Variants in HIVEP3 observed in about 807,000 individuals in gnomAD.
HIVEP3 encodes transcription factor HIVEP3.
Under a neutral mutation model 152.8 loss-of-function variants are expected in HIVEP3, and 49 were observed. That is an observed-to-expected ratio of 0.32 (90% confidence interval 0.26 to 0.41). The LOEUF is 0.41. Ranked by LOEUF, HIVEP3 falls within the 10% of genes least tolerant of loss-of-function variation. The pLI, the probability that HIVEP3 is intolerant of heterozygous loss-of-function variation, is 1.00. For missense variants in HIVEP3, 2,790 were observed against 3,103.3 expected, an observed-to-expected ratio of 0.90 and a Z score of 2.40; for synonymous variants, 1,269 against 1,289.0, an observed-to-expected ratio of 0.98 and a Z score of 0.33.
chr1:41,707,238 T>C (rs918499761), intron 1 of HIVEP3, among the ~76,000 whole-genome samples: 1 of 152,186 alleles, frequency 6.6e-6, no homozygotes, highest in East Asian at 1.9e-4. Context: ...ACCTGCTGCA[T>C]CCCTGGTCTT....
intron 5 of HIVEP3, among the ~76,000 whole-genome samples, chr1:41,571,838 G>A (rs1373331373): frequency 6.6e-6 from 1 of 152,200 alleles, no homozygotes; most frequent in Non-Finnish European, 1.5e-5. Flanking sequence ...TCCTGTAGGT[G>A]AGGCAGCCAC....
upstream of HIVEP3, among the ~76,000 whole-genome samples, chr1:41,919,531 CT>C (rs1374751127): frequency 6.6e-6 from 1 of 152,236 alleles, no homozygotes; most frequent in Non-Finnish European, 1.5e-5. Context: ...GACATACTTT[CT>C]TTCAACCAGA....
chr1:41,513,246 G>A lies in HIVEP3; in HGVS notation c.5975C>T (p.Ser1992Leu). 6.2e-7 allele frequency: 1 copy of A among 1,613,682 alleles called. No homozygotes were observed. The highest frequency in any genetic ancestry group is 8.5e-7 in the Non-Finnish European group (1 of 1,180,010). Residue 1992 changes from serine to leucine, a missense_variant, in exon 8 of 9, where the codon TCA becomes TTA. Coordinates refer to ENST00000372583, the MANE Select transcript of HIVEP3 (RefSeq NM_024503.5). Reference protein sequence around the residue: ...ARKHSLTKNDSSPQRCSPARE... With the variant: ...ARKHSLTKNDLSPQRCSPARE... ...GGCCGGGGAGCATCGCTGGGGAGAT[G>A]AGTCGTTTTTGGTTAGCGAGTGTTT...
chr1:41,583,100 A>G lies in HIVEP3; in HGVS notation c.1698T>C (p.His566=), dbSNP rs144663436. Residue 566 remains histidine (H), a synonymous_variant, in exon 4 of 9, where the codon CAT becomes CAC. Transcript: ENST00000372583. This position sits in a 1 kb window ranked among gnomAD's most constrained non-coding sequence, Gnocchi z 6.9. ...PFRGSYSFDD[H]ITDSEALSHS... ...GGCTCAGGGCTTCGGAGTCGGTGAT[A>G]TGGTCATCGAAGGAGTAGCTACCTC... 34 of 1,613,116 alleles carry G rather than the reference A, an allele frequency of 2.1e-5. No homozygotes were observed. The African/African-American group carries it at 4.0e-4, about 19-fold the overall frequency.
intron 1 of HIVEP3, among the ~76,000 whole-genome samples, chr1:41,862,199 T>G (rs1483140335): frequency 6.6e-6 from 1 of 152,124 alleles, no homozygotes; most frequent in Non-Finnish European, 1.5e-5. Context: ...GTTAACAAGT[T>G]AAGTGAAGTT....
intron 1 of HIVEP3, among the ~76,000 whole-genome samples, chr1:41,864,269 G>A (rs111538193): frequency 5.1e-4 from 77 of 152,336 alleles, no homozygotes; most frequent in African/African-American, 1.3e-3. Context: ...TTGGGTGTGC[G>A]TAGCAAGCAG....
chr1:41,734,089 A>C (rs1570422535), intron 1 of HIVEP3, among the ~76,000 whole-genome samples: 2 of 146,328 alleles, frequency 1.4e-5, no homozygotes, highest in Non-Finnish European at 3.0e-5. Context: ...TGCTGTTCCC[A>C]CCTCACCCCT....
chr1:41,717,142 T>A (rs1018722345), intron 1 of HIVEP3, among the ~76,000 whole-genome samples: 46 of 152,170 alleles, frequency 3.0e-4, no homozygotes, highest in African/African-American at 1.1e-3. Flanking sequence ...CTGGGTCTCG[T>A]GGGAGTTCAG....
chr1:41,643,832 C>T (rs1049792178), intron 2 of HIVEP3, among the ~76,000 whole-genome samples: 1 of 151,536 alleles, frequency 6.6e-6, no homozygotes, highest in Non-Finnish European at 1.5e-5. Flanking sequence ...ATGTTGTTAC[C>T]TTCCCCTCTG....
At chr1:41,552,115 A>G (rs1643899981) in intron 5 of HIVEP3, among the ~76,000 whole-genome samples, 1 of 152,066 alleles carries the variant, frequency 6.6e-6, no homozygotes, top group South Asian at 2.1e-4. Flanking sequence ...TAACATCTTT[A>G]TTTCTGCCTT....
chr1:41,833,821 C>T (rs1401798302), intron 1 of HIVEP3, among the ~76,000 whole-genome samples: 2 of 152,214 alleles, frequency 1.3e-5, no homozygotes, highest in Non-Finnish European at 2.9e-5. Flanking sequence ...TAACCACAAG[C>T]TGACCATGGT....
At chr1:41,539,403 T>A (rs1643474885) in intron 5 of HIVEP3, among the ~76,000 whole-genome samples, 1 of 152,210 alleles carries the variant, frequency 6.6e-6, no homozygotes, top group Admixed American at 6.5e-5. Context: ...AGCATTTCCA[T>A]GTCCTCAAAC....
intron 1 of HIVEP3, among the ~76,000 whole-genome samples, chr1:41,766,208 G>A (rs889342266): frequency 3.3e-5 from 5 of 152,202 alleles, no homozygotes; most frequent in African/African-American, 1.2e-4. Context: ...GCTTTCAACT[G>A]GGGGTGTCTT....
chr1:41,805,116 C>T (rs1035604468), intron 1 of HIVEP3, among the ~76,000 whole-genome samples: 4 of 152,280 alleles, frequency 2.6e-5, no homozygotes, highest in East Asian at 1.9e-4. Context: ...GCGGGCACAT[C>T]GCCTGAGGTC....
upstream of HIVEP3, among the ~76,000 whole-genome samples, chr1:41,921,812 A>T (rs566552989): frequency 5.9e-5 from 9 of 152,244 alleles, no homozygotes; most frequent in African/African-American, 2.2e-4. Flanking sequence ...GCTTCTTTGG[A>T]AAGTGAGAGG....
chr1:41,805,871 A>G (rs1057248477), intron 1 of HIVEP3, among the ~76,000 whole-genome samples: 2 of 152,034 alleles, frequency 1.3e-5, no homozygotes, highest in Non-Finnish European at 2.9e-5. Context: ...AGGCCACCTT[A>G]CGCCTTGTGT....
chr1:42,021,161 C>G (rs1257830298), intron 1 of HIVEP3, among the ~76,000 whole-genome samples: 1 of 151,882 alleles, frequency 6.6e-6, no homozygotes, highest in African/African-American at 2.4e-5. Flanking sequence ...TAGAATAGAC[C>G]ATAAGGGGGA....
chr1:41,739,107 C>T (rs1050474653), intron 1 of HIVEP3, among the ~76,000 whole-genome samples: 9 of 152,248 alleles, frequency 5.9e-5, no homozygotes, highest in South Asian at 2.1e-4. Context: ...TGAATCGATG[C>T]CCCCGACTTG....
At chr1:41,534,735 C>A (rs75433324) in intron 5 of HIVEP3, among the ~76,000 whole-genome samples, 17 of 152,334 alleles carry the variant, frequency 1.1e-4, no homozygotes, top group African/African-American at 3.8e-4. Flanking sequence ...CAGATTCTAG[C>A]CTTGACTTTC....
Sources: allele counts gnomAD v4.1 joint callset (sites outside exome capture counted in the v4.1 genomes callset), GRCh38; gene constraint gnomAD v4.1.1; non-coding constraint Gnocchi (gnomAD v3.1); transcripts MANE v1.5; gene names NCBI Gene and HGNC (gene_info 2026-07-23, HGNC 2026-07-21).